The following TAF2 variants were observed in gnomAD, a reference collection of about 807,000 sequenced individuals.
The protein encoded by TAF2 is transcription initiation factor TFIID subunit 2.
Under a neutral mutation model 138.5 loss-of-function variants are expected in TAF2, and 61 were observed. The observed-to-expected ratio is 0.44, with a 90% confidence interval of 0.36 to 0.54. The LOEUF (loss-of-function observed/expected upper bound fraction) is 0.54, where lower values mean the gene tolerates loss of function less well. Ranked by LOEUF, TAF2 falls within the 20% of genes least tolerant of loss-of-function variation. The pLI is 0.00. For missense variants in TAF2, 1,090 were observed against 1,427.9 expected (o/e 0.76, Z 3.81); for synonymous variants, 475 against 469.9 (o/e 1.01, Z -0.14).
At chr8:119,752,225 A>G (rs948832515) in intron 22 of TAF2, among the ~76,000 whole-genome samples, 1 of 152,214 alleles carries the variant, frequency 6.6e-6, no homozygotes, top group Non-Finnish European at 1.5e-5. Flanking sequence ...GAAGATAAAA[A>G]TATATGAAAA....
chr8:119,759,098 ATCTCAAAACT>A (rs1820888791), intron 20 of TAF2, among the ~76,000 whole-genome samples: 1 of 152,108 alleles, frequency 6.6e-6, no homozygotes, highest in African/African-American at 2.4e-5. Flanking sequence ...TATTTGGTGG[ATCTCAAAACT>A]TGTCAAAACA....
rs1347080699 is a variant in TAF2 at position 119,778,061 on chromosome 8, A to G, written c.2322T>C (p.Phe774=). The change falls in exon 18 of 26, where the codon TTT becomes TTC. Residue 774 remains phenylalanine, a synonymous_variant. Coordinates refer to ENST00000378164, the MANE Select transcript of TAF2 (RefSeq NM_003184.4). ...CATTGTACTTGATTAAGTCTAAAAT[A>G]AATGTTAAGACTTCTTTAGGACAAA... The part of the protein sequence containing the change: ...HNLCPKEVLT[F]ILDLIKYNDN... 3 of 1,586,554 alleles carry G rather than the reference A, an allele frequency of 1.9e-6. No homozygotes were observed. In the East Asian group the frequency reaches 6.7e-5, roughly 36 times the overall value.
intron 18 of TAF2, among the ~76,000 whole-genome samples, chr8:119,776,149 A>C (rs1822216652): frequency 6.6e-6 from 1 of 152,214 alleles, no homozygotes; most frequent in Non-Finnish European, 1.5e-5. Flanking sequence ...TCTGGGAGAG[A>C]CCAATGATCA....
chr8:119,731,721 CA>C lies in TAF2; in HGVS notation c.*202del. 5 of 605,442 alleles carry C rather than the reference CA, an allele frequency of 8.3e-6. No individual in the cohort carries two copies. Among genetic ancestry groups the C allele is most frequent in the Non-Finnish European group, 1.5e-5 (5 of 344,482 alleles). 37.5% of individuals were successfully genotyped at this position (605,442 alleles called of 1,614,324 possible). ...GAAACAGCGGATGAAATAGTTTATC[CA>C]GAACTACAAAACACATTTTCCTAAT... On this transcript the variant is annotated 3_prime_UTR_variant, in exon 26 of 26. Coordinates refer to ENST00000378164, the MANE Select transcript of TAF2 (RefSeq NM_003184.4).
intron 25 of TAF2, among the ~76,000 whole-genome samples, chr8:119,738,159 TTC>T (rs1344985835): frequency 6.6e-6 from 1 of 151,918 alleles, no homozygotes; most frequent in South Asian, 2.1e-4. Flanking sequence ...TATATTCTTT[TTC>T]TCTCTCTATA....
At chr8:119,832,439 CAACAA>C (rs1335953987) in intron 1 of TAF2, 38 bp downstream of exon 1, 1 of 1,592,946 alleles carries the variant, frequency 6.3e-7, no homozygotes, top group Non-Finnish European at 8.6e-7. Flanking sequence ...TAATTAATGG[CAACAA>C]AACCAAAAGG....
chr8:119,830,203 CCT>C (rs1826359589), intron 2 of TAF2, among the ~76,000 whole-genome samples: 1 of 151,982 alleles, frequency 6.6e-6, no homozygotes, highest in East Asian at 1.9e-4. Context: ...TGGCCCTGAA[CCT>C]CCATTCTTTT....
chr8:119,737,660 C>T (rs1386844621), intron 25 of TAF2, among the ~76,000 whole-genome samples: 2 of 151,978 alleles, frequency 1.3e-5, no homozygotes, highest in South Asian at 2.1e-4. Context: ...AGGTGCGTAC[C>T]ACCATGCCCA....
chr8:119,731,688 T>C lies in TAF2; in HGVS notation c.*236A>G. 1 of 540,136 alleles carries C rather than the reference T, an allele frequency of 1.9e-6. No individual in the cohort carries two copies. 33.5% of individuals were successfully genotyped at this position (540,136 alleles called of 1,614,324 possible). A position where few individuals can be genotyped will look rare whatever the true frequency, so the allele number is the denominator to read the frequency against. On this transcript the variant is annotated 3_prime_UTR_variant, in exon 26 of 26. Transcript: ENST00000378164. ...AGGGAGTTTGCTCTGTGTGTGTGTT[T>C]TGGGGAGGAAACAGCGGATGAAATA...
Position 119,819,425 on chromosome 8 carries a change from G to A in TAF2, c.220C>T (p.Arg74Ter), listed in dbSNP as rs567550422. 11 of 1,612,038 alleles carry A rather than the reference G, an allele frequency of 6.8e-6. No homozygotes were observed. The highest frequency in any genetic ancestry group is 2.2e-5 in the East Asian group (1 of 44,786). ...KLNSKQCRIY[R>*]VRINDLEAAF... ...GCCTCTAAATCATTGATCCTTACTC[G>A]GTATATTCTACACTGTTTGCTGTTC... Residue 74 changes from arginine (R) to a stop codon, truncating the protein, a stop_gained, in exon 3 of 26, where the codon CGA becomes TGA. Transcript: ENST00000378164. LOFTEE classifies it high-confidence loss of function.
chr8:119,793,484 A>T lies in TAF2; in HGVS notation c.1192-33T>A, dbSNP rs1279073503. The T allele has an allele frequency of 2.0e-6, 3 of 1,534,654 alleles. No individual in the cohort carries two copies. In the East Asian group the frequency reaches 6.8e-5, roughly 35 times the overall value. ...ATATATAAAAATAGGAGTCAGTAAA[A>T]TTTGTAAAGTAACATTTTTTTACAT... On this transcript the variant is annotated intron_variant, in intron 9 of 25. Transcript: ENST00000378164.
chr8:119,742,407 T>C (rs1361436859), intron 25 of TAF2, 127 bp downstream of exon 25: 1 of 1,244,510 alleles, frequency 8.0e-7, no homozygotes, highest in African/African-American at 1.5e-5. Flanking sequence ...CTCAATGTAT[T>C]ACAAGAAAAG....
intron 16 of TAF2, 45 bp downstream of exon 16, chr8:119,783,336 A>G (rs1453161041): frequency 6.3e-7 from 1 of 1,582,310 alleles, no homozygotes; most frequent in Non-Finnish European, 8.6e-7. Context: ...GAGATACAAA[A>G]AATATATACA....
At chr8:119,772,295 T>C (rs1176218837) in intron 18 of TAF2, among the ~76,000 whole-genome samples, 1 of 152,180 alleles carries the variant, frequency 6.6e-6, no homozygotes, top group Admixed American at 6.6e-5. Context: ...CAAAATAGTC[T>C]TGTGCAGCAA....
At chr8:119,761,793 T>G (rs1821080336) in intron 19 of TAF2, 1 of 150,244 alleles carries the variant, frequency 6.7e-6, no homozygotes, top group Non-Finnish European at 1.5e-5. Context: ...AGAGCGAAAC[T>G]TGGTCTCAAA....
At chr8:119,801,653 C>G (rs1824272064) in intron 6 of TAF2, 141 bp downstream of exon 6, 1 of 769,420 alleles carries the variant, frequency 1.3e-6, no homozygotes, top group Admixed American at 2.0e-5. Context: ...TGGTCTCGAT[C>G]TCCTGACCCT....
intron 10 of TAF2, among the ~76,000 whole-genome samples, chr8:119,792,060 C>T (rs1212941329): frequency 1.3e-5 from 2 of 151,890 alleles, no homozygotes; most frequent in Admixed American, 6.6e-5. Flanking sequence ...TACAAATTAT[C>T]ACTAGACCAA....
intron 18 of TAF2, among the ~76,000 whole-genome samples, chr8:119,776,679 A>T (rs1417551467): frequency 6.6e-6 from 1 of 151,620 alleles, no homozygotes; most frequent in African/African-American, 2.4e-5. Flanking sequence ...ACTGAGTGAG[A>T]CTCTGTCTCA....
rs558240303 is a variant in TAF2, at chr8:119,743,866, C to T, written c.3214+422G>A. On this transcript the variant is annotated intron_variant, in intron 24 of 25. Transcript: ENST00000378164. ...GGTAGTATTTTCAAAAGAAAACATG[C>T]TTTTTGAATGATGTAGGAAAATGAC... 7.2e-5 allele frequency among the ~76,000 whole-genome samples: 11 copies of T among 152,102 alleles called. No homozygotes were observed. The East Asian group carries it at 2.1e-3, about 29-fold the overall frequency.
Sources: allele counts gnomAD v4.1 joint callset (sites outside exome capture counted in the v4.1 genomes callset), GRCh38; gene constraint gnomAD v4.1.1; transcripts MANE v1.5; gene names NCBI Gene and HGNC (gene_info 2026-07-23, HGNC 2026-07-21).